Variants in BAIAP2L1 observed in about 807,000 individuals in gnomAD.
BAIAP2L1 encodes BAR/IMD domain-containing adapter protein 2-like 1.
In BAIAP2L1, 35 loss-of-function variants were observed where a neutral mutation model predicts 66.3. The ratio of observed to expected loss-of-function variants is 0.53; its 90% confidence interval spans 0.40 to 0.70. The LOEUF is 0.70. Ranked by LOEUF, BAIAP2L1 falls within the 30% of genes least tolerant of loss-of-function variation. BAIAP2L1 has a pLI of 0.00. For synonymous variants in BAIAP2L1, 269 were observed against 248.7 expected, an observed-to-expected ratio of 1.08 and a Z score of -0.77; for missense variants, 622 against 656.9, an observed-to-expected ratio of 0.95 and a Z score of 0.58.
chr7:98,361,366 A>AAAAGAAAG (rs71515214), intron 2 of BAIAP2L1, among the ~76,000 whole-genome samples: 1 of 151,518 alleles, frequency 6.6e-6, no homozygotes, highest in African/African-American at 2.4e-5. Context: ...GGGAAAAAAA[A>AAAAGAAAG]AAAGAAAGAA....
intron 1 of BAIAP2L1, among the ~76,000 whole-genome samples, chr7:98,383,750 C>T (rs1802818908): frequency 6.6e-6 from 1 of 151,838 alleles, no homozygotes; most frequent in African/African-American, 2.4e-5. Flanking sequence ...TAAAGTCTCA[C>T]ATTTCAGGCT....
intron 1 of BAIAP2L1, among the ~76,000 whole-genome samples, chr7:98,385,511 C>G (rs528684866): frequency 1.3e-5 from 2 of 152,042 alleles, no homozygotes; most frequent in South Asian, 4.2e-4. Context: ...GCCTCGACCT[C>G]CCGGACTCAA....
chr7:98,386,095 C>G (rs185347477), intron 1 of BAIAP2L1: 1 of 1,582,922 alleles, frequency 6.3e-7, no homozygotes, highest in East Asian at 2.2e-5. Flanking sequence ...CATCTTCTTC[C>G]GGATTTGGCG....
chr7:98,343,812 C>T (rs62478198), intron 3 of BAIAP2L1, among the ~76,000 whole-genome samples: 1 of 152,246 alleles, frequency 6.6e-6, no homozygotes, highest in Non-Finnish European at 1.5e-5. Context: ...AACGTCTCTG[C>T]TGCAGCCACT....
chr7:98,304,420 C>A, intron 11 of BAIAP2L1, 44 bp from the exon 12 acceptor site: 1 of 1,593,988 alleles, frequency 6.3e-7, no homozygotes, highest in African/African-American at 1.3e-5. Flanking sequence ...TAATGTCTCA[C>A]CACCAAACCC....
At chr7:98,362,482 G>T in intron 1 of BAIAP2L1, 50 bp from the exon 2 acceptor site, 2 of 1,492,408 alleles carry the variant, frequency 1.3e-6, no homozygotes, top group South Asian at 1.2e-5. Context: ...AATAAACCAA[G>T]TCATCTTCAG....
At chr7:98,365,922 TTCA>T (rs1276002530) in intron 1 of BAIAP2L1, among the ~76,000 whole-genome samples, 1 of 152,190 alleles carries the variant, frequency 6.6e-6, no homozygotes, top group African/African-American at 2.4e-5. Context: ...ATCCCTGTCT[TTCA>T]TGTTAGAGAC....
Position 98,401,013 on chromosome 7 carries a change from G to A in BAIAP2L1, c.-161C>T, listed in dbSNP as rs993663186. On this transcript the variant is annotated 5_prime_UTR_variant, in exon 1 of 14. Transcript: ENST00000005260. ...GAGTGCCCGCGCGCGTCTCCGCTGC[G>A]AAAATGTCAAAACTTGCGGCAGCGC... 1.1e-4 allele frequency: 57 copies of A among 518,382 alleles called. No individual in the cohort carries two copies. The highest frequency in any genetic ancestry group is 1.5e-4 in the Non-Finnish European group (50 of 335,466). The allele number at this position is 518,382 out of a possible 1,614,324, so 32.1% of individuals were successfully genotyped here. A position where few individuals can be genotyped will look rare whatever the true frequency, so the allele number is the denominator to read the frequency against.
chr7:98,383,762 T>C (rs1802819232), intron 1 of BAIAP2L1, among the ~76,000 whole-genome samples: 1 of 152,046 alleles, frequency 6.6e-6, no homozygotes, highest in African/African-American at 2.4e-5. Context: ...TTTCAGGCTT[T>C]CAAACACATA....
intron 3 of BAIAP2L1, among the ~76,000 whole-genome samples, chr7:98,325,582 G>A (rs1033989310): frequency 2.0e-5 from 3 of 151,936 alleles, no homozygotes; most frequent in African/African-American, 7.3e-5. Context: ...GGAGGCTGAG[G>A]TAGGAGAACT....
In BAIAP2L1 at chr7:98,369,061, T is replaced by C. The variant is rs577533972; in HGVS notation, c.52-6629A>G. Among the ~76,000 whole-genome samples the C allele has an allele frequency of 9.2e-5, 14 of 151,562 alleles. No homozygotes were observed. In the South Asian group the frequency reaches 1.2e-3, roughly 13 times the overall value. On this transcript the variant is annotated intron_variant, in intron 1 of 13. Transcript: ENST00000005260. ...CTGCCAAACTTTTTTTTTTTTTTTT[T>C]CAGAACAGCTGCACCATTTTACTTT...
Position 98,304,221 on chromosome 7 carries a change from G to T in BAIAP2L1, c.1397C>A (p.Ala466Glu), listed in dbSNP as rs747137198. ...ARTTSTFKAP[A>E]SKPETAAPND... ...AGGAGCCGCGGTCTCGGGCTTGGACGCTGGGGCCTTAAAGGTGGATGTCGT... is the reference window on the plus strand; with the variant it reads ...AGGAGCCGCGGTCTCGGGCTTGGACTCTGGGGCCTTAAAGGTGGATGTCGT... The change falls in exon 12 of 14, where the codon GCG (alanine) becomes GAG (glutamate). Residue 466 changes from alanine (A) to glutamate (E), a missense_variant. Coordinates refer to ENST00000005260, the MANE Select transcript of BAIAP2L1 (RefSeq NM_018842.5). 4 of 1,608,528 alleles carry T rather than the reference G, an allele frequency of 2.5e-6. No individual in the cohort carries two copies. The highest frequency in any genetic ancestry group is 2.5e-6 in the Non-Finnish European group (3 of 1,177,250).
At chr7:98,357,270 TAG>T (rs1802160090) in intron 2 of BAIAP2L1, among the ~76,000 whole-genome samples, 1 of 150,128 alleles carries the variant, frequency 6.7e-6, no homozygotes, top group African/African-American at 2.4e-5. Flanking sequence ...GGATTTATTG[TAG>T]AGTTAAAAAT....
intron 1 of BAIAP2L1, among the ~76,000 whole-genome samples, chr7:98,400,581 A>AG (rs919673432): frequency 4.0e-5 from 2 of 49,894 alleles, no homozygotes; most frequent in Non-Finnish European, 7.7e-5. Context: ...GAGGAAAAGT[A>AG]GGGGGGAGGG....
chr7:98,305,070 T>TTA (rs1800600050), intron 11 of BAIAP2L1, among the ~76,000 whole-genome samples: 3 of 146,748 alleles, frequency 2.0e-5, no homozygotes, highest in Admixed American at 6.8e-5. Context: ...TTTTTTTTTT[T>TTA]AGTAGAGACG....
chr7:98,317,970 C>G (rs768308033), intron 5 of BAIAP2L1, among the ~76,000 whole-genome samples: 4 of 144,216 alleles, frequency 2.8e-5, no homozygotes, highest in Non-Finnish European at 4.6e-5. Flanking sequence ...TCACACCATC[C>G]TTACGCTGGC....
chr7:98,300,969 G>A (rs1194820972), intron 12 of BAIAP2L1, among the ~76,000 whole-genome samples: 4 of 152,130 alleles, frequency 2.6e-5, no homozygotes. Flanking sequence ...CTCTCCCCTT[G>A]TCCTCACCCC....
At chr7:98,310,179 A>C (rs978161213) in intron 9 of BAIAP2L1, 1 of 389,662 alleles carries the variant, frequency 2.6e-6, no homozygotes, top group African/African-American at 2.1e-5. Flanking sequence ...GATAATTCTC[A>C]ACAGTATGTT....
intron 3 of BAIAP2L1, among the ~76,000 whole-genome samples, chr7:98,332,235 T>C (rs548054310): frequency 2.0e-5 from 3 of 150,784 alleles, no homozygotes; most frequent in South Asian, 2.1e-4. Flanking sequence ...ATATAAAAAT[T>C]AGCCGGGTGT....
Sources: gnomAD v4.1 joint callset for allele counts (sites outside exome capture counted in the v4.1 genomes callset) on GRCh38, gnomAD v4.1.1 for gene constraint, MANE v1.5 for transcripts, NCBI Gene and HGNC (gene_info 2026-07-23, HGNC 2026-07-21) for gene names.